Variants in MB21D2 observed in about 807,000 individuals in gnomAD.
MB21D2 encodes the protein Mab-21 domain containing 2.
Under a neutral mutation model 33.3 loss-of-function variants are expected in MB21D2, and 9 were observed. The observed-to-expected ratio is 0.27, with a 90% CI of 0.16 to 0.47. MB21D2 has a LOEUF of 0.47. Among genes scored for constraint, MB21D2 ranks in the 20% least tolerant of loss-of-function variants. MB21D2 has a pLI of 0.99. For missense variants in MB21D2, 540 were observed against 624.6 expected (o/e 0.86, Z 1.44); for synonymous variants, 241 against 236.3 (o/e 1.02, Z -0.18).
At chr3:192,809,793 T>C (rs1711747103) in intron 1 of MB21D2, among the ~76,000 whole-genome samples, 1 of 152,154 alleles carries the variant, frequency 6.6e-6, no homozygotes, top group African/African-American at 2.4e-5. Flanking sequence ...CACACAGCTA[T>C]GTGGGTGCAC....
At chr3:192,887,499 TACC>T (rs1713758202) in intron 1 of MB21D2, among the ~76,000 whole-genome samples, 1 of 152,154 alleles carries the variant, frequency 6.6e-6, no homozygotes, top group Admixed American at 6.5e-5. Flanking sequence ...ATGTGTATTT[TACC>T]ACAATATTCA....
intron 1 of MB21D2, among the ~76,000 whole-genome samples, chr3:192,836,234 T>C (rs1213449865): frequency 6.6e-6 from 1 of 152,144 alleles, no homozygotes; most frequent in African/African-American, 2.4e-5. Flanking sequence ...AAGCAGAAAA[T>C]GGACCAAATG....
At chr3:192,849,233 TG>T (rs1159815060) in intron 1 of MB21D2, among the ~76,000 whole-genome samples, 1 of 150,328 alleles carries the variant, frequency 6.7e-6, no homozygotes, top group African/African-American at 2.5e-5. Context: ...TTCCGAATTC[TG>T]TACTGTGAGA....
chr3:192,854,151 T>C (rs903359350), intron 1 of MB21D2, among the ~76,000 whole-genome samples: 1 of 152,230 alleles, frequency 6.6e-6, no homozygotes, highest in Non-Finnish European at 1.5e-5. Flanking sequence ...GAGGAGAGCA[T>C]GTCAAAAGCT....
At chr3:192,820,636 C>T (rs572145818) in intron 1 of MB21D2, among the ~76,000 whole-genome samples, 5 of 152,348 alleles carry the variant, frequency 3.3e-5, no homozygotes, top group South Asian at 2.1e-4. Flanking sequence ...AATATTCCTC[C>T]GGCGTCCCGC....
intron 1 of MB21D2, among the ~76,000 whole-genome samples, chr3:192,864,798 T>C (rs576224974): frequency 6.6e-6 from 1 of 152,272 alleles, no homozygotes; most frequent in African/African-American, 2.4e-5. Flanking sequence ...TGAGCCACCA[T>C]GCCTGATCCC....
Position 192,814,864 on chromosome 3 carries a change from C to CAA in MB21D2, c.212-15216_212-15215dup, listed in dbSNP as rs11370792. On this transcript the variant is annotated intron_variant, in intron 1 of 1. Coordinates refer to ENST00000392452, the MANE Select transcript of MB21D2 (RefSeq NM_178496.4). ...TGGGCGACAGAGCGAGACTCCATCC[C>CAA]AAAAAAAAAAAAAAAATTCTTAGAC... 6.1e-3 allele frequency among the ~76,000 whole-genome samples: 757 copies of CAA among 124,992 alleles called. 3 individuals are homozygous for CAA. Among genetic ancestry groups the CAA allele is most frequent in the Middle Eastern group, 8.2e-3 (2 of 244 alleles). 82.0% of individuals were successfully genotyped at this position (124,992 alleles called of 152,430 possible). A position where few individuals can be genotyped will look rare whatever the true frequency, so the allele number is the denominator to read the frequency against.
intron 1 of MB21D2, among the ~76,000 whole-genome samples, chr3:192,834,707 T>C (rs1712395512): frequency 6.6e-6 from 1 of 151,954 alleles, no homozygotes; most frequent in Non-Finnish European, 1.5e-5. Context: ...GGAACACAAA[T>C]GCAATGCTGG....
intron 1 of MB21D2, among the ~76,000 whole-genome samples, chr3:192,870,727 GAGA>G (rs1409702943): frequency 4.0e-5 from 3 of 74,450 alleles, no homozygotes; most frequent in Non-Finnish European, 8.0e-5. Flanking sequence ...AAAGGAAGGA[GAGA>G]AGAAGGAAGG....
At chr3:192,862,111 T>C (rs960862521) in intron 1 of MB21D2, among the ~76,000 whole-genome samples, 13 of 152,198 alleles carry the variant, frequency 8.5e-5, no homozygotes, top group Non-Finnish European at 1.9e-4. Flanking sequence ...CAAGATTGTG[T>C]GACTGAAGCT....
intron 1 of MB21D2, among the ~76,000 whole-genome samples, chr3:192,806,883 A>T (rs1020063553): frequency 1.3e-5 from 2 of 152,212 alleles, no homozygotes; most frequent in Non-Finnish European, 2.9e-5. Context: ...AATGAACATG[A>T]GTTAGACCTG....
At chr3:192,850,844 C>T (rs552942587) in intron 1 of MB21D2, among the ~76,000 whole-genome samples, 1 of 152,346 alleles carries the variant, frequency 6.6e-6, no homozygotes, top group South Asian at 2.1e-4. Flanking sequence ...ACTCCACAGT[C>T]ATTTAAGACC....
At chr3:192,839,003 T>G (rs1001263895) in intron 1 of MB21D2, among the ~76,000 whole-genome samples, 1 of 152,172 alleles carries the variant, frequency 6.6e-6, no homozygotes. Flanking sequence ...TTCCCACTTT[T>G]AGCTATGTAC....
chr3:192,813,054 A>C (rs1711825892), intron 1 of MB21D2, among the ~76,000 whole-genome samples: 1 of 152,162 alleles, frequency 6.6e-6, no homozygotes. Context: ...ATGTGATAAG[A>C]CTACATTAAA....
At position 192,884,618 on chromosome 3, in the gene MB21D2, T is replaced by C. The variant is rs113144684; in HGVS notation, c.211+33012A>G. 4.3e-3 allele frequency among the ~76,000 whole-genome samples: 660 copies of C among 152,104 alleles called. 2 individuals carry two copies. Among genetic ancestry groups the C allele is most frequent in the Middle Eastern group, 0.024 (7 of 294 alleles). On this transcript the variant is annotated intron_variant, in intron 1 of 1. Coordinates refer to ENST00000392452, the MANE Select transcript of MB21D2 (RefSeq NM_178496.4). ...TCCTGACCTCGTGATCTGCCCGCCT[T>C]GGCCTCCCAAAGTGCTGGCATTACA...
At chr3:192,894,174 G>T (rs1713915600) in intron 1 of MB21D2, among the ~76,000 whole-genome samples, 2 of 151,960 alleles carry the variant, frequency 1.3e-5, no homozygotes, top group Admixed American at 6.6e-5. Context: ...TGTCACCCAG[G>T]CTGTAGTGCA....
At chr3:192,801,188 A>C (rs1215303201) in intron 1 of MB21D2, among the ~76,000 whole-genome samples, 2 of 152,198 alleles carry the variant, frequency 1.3e-5, no homozygotes, top group East Asian at 3.9e-4. Flanking sequence ...TAAATTCTTA[A>C]AGGCTAGACT....
At chr3:192,905,268 A>T (rs1714184626) in intron 1 of MB21D2, among the ~76,000 whole-genome samples, 1 of 152,112 alleles carries the variant, frequency 6.6e-6, no homozygotes, top group African/African-American at 2.4e-5. Flanking sequence ...TGGGGTAGAA[A>T]AGCTGTTGTT....
At chr3:192,851,669 AT>A (rs35907656) in intron 1 of MB21D2, among the ~76,000 whole-genome samples, 88,544 of 149,502 alleles carry the variant, frequency 0.59, 27,571 homozygotes, top group African/African-American at 0.79. Context: ...TAATTTTTGT[AT>A]TTTTTTTTTA....
Sources: gnomAD v4.1 joint callset for allele counts (sites outside exome capture counted in the v4.1 genomes callset) on GRCh38, gnomAD v4.1.1 for gene constraint, MANE v1.5 for transcripts, NCBI Gene and HGNC (gene_info 2026-07-23, HGNC 2026-07-21) for gene names.